GPR141: variants seen among roughly 807,000 people sequenced by gnomAD.
GPR141 encodes the protein G protein-coupled receptor 141, also known as probable G protein-coupled receptor 141.
A neutral mutation model predicts 6.8 loss-of-function variants in GPR141; 6 were observed. The observed-to-expected ratio is 0.88, with a 90% CI of 0.48 to 1.74. GPR141 has a LOEUF of 1.74. Ranked by LOEUF, GPR141 falls within the 40% of genes most tolerant of loss-of-function variation. The pLI is 0.01. For synonymous variants in GPR141, 140 were observed against 142.3 expected, an observed-to-expected ratio of 0.98 and a Z score of 0.11; for missense variants, 372 against 372.9, an observed-to-expected ratio of 1.00 and a Z score of 0.02.
At chr7:37,719,381 T>C (rs1487992322) in intron 2 of GPR141, among the ~76,000 whole-genome samples, 3 of 152,216 alleles carry the variant, frequency 2.0e-5, no homozygotes, top group African/African-American at 7.2e-5. Flanking sequence ...AGTTTTCAAT[T>C]TGGCAAGAAG....
chr7:37,691,288 C>CTTTTTTTTTTTT (rs1562764892), intron 2 of GPR141, among the ~76,000 whole-genome samples: 1 of 63,092 alleles, frequency 1.6e-5, no homozygotes, highest in Non-Finnish European at 2.5e-5. Context: ...AGTCTATATC[C>CTTTTTTTTTTTT]TTTTTTTTTT....
rs79767530 is a variant in GPR141, at chr7:37,704,679, A to G, written c.-15+19096A>G. ...AGTCCAATCTGACTTTACACCTTAT[A>G]TGGGGCCCAGGCTTTGTCCCTGTTG... On this transcript the variant is annotated intron_variant, in intron 2 of 2. Coordinates refer to ENST00000334425, the MANE Select transcript of GPR141 (RefSeq NM_001381946.1). Among the ~76,000 whole-genome samples the G allele has an allele frequency of 3.9e-5, 6 of 152,248 alleles. No individual in the cohort carries two copies. In the East Asian group the frequency reaches 9.6e-4, roughly 24 times the overall value.
At chr7:37,734,368 A>T (rs965046668) in intron 2 of GPR141, among the ~76,000 whole-genome samples, 3 of 152,352 alleles carry the variant, frequency 2.0e-5, no homozygotes, top group Middle Eastern at 3.4e-3. Context: ...TAGAAGCAAG[A>T]ATTGAAGTAA....
chr7:37,724,320 C>A (rs946530478), intron 2 of GPR141, among the ~76,000 whole-genome samples: 19 of 151,672 alleles, frequency 1.3e-4, no homozygotes, highest in African/African-American at 3.9e-4. Flanking sequence ...ATTAAAAAAA[C>A]CATAGAAAAC....
chr7:37,692,746 A>G (rs562377950), intron 2 of GPR141, among the ~76,000 whole-genome samples: 1 of 152,318 alleles, frequency 6.6e-6, no homozygotes, highest in South Asian at 2.1e-4. Flanking sequence ...TCTAATGACC[A>G]GTGATGATGA....
intron 2 of GPR141, among the ~76,000 whole-genome samples, chr7:37,733,186 A>C (rs745733580): frequency 5.3e-5 from 8 of 152,156 alleles, no homozygotes; most frequent in Non-Finnish European, 1.0e-4. Flanking sequence ...GGCTAGCTGA[A>C]TGTTTTGCAG....
At chr7:37,695,576 G>A (rs2131740925) in intron 2 of GPR141, among the ~76,000 whole-genome samples, 1 of 152,312 alleles carries the variant, frequency 6.6e-6, no homozygotes, top group Non-Finnish European at 1.5e-5. Flanking sequence ...GGATGTAGGA[G>A]TCCTTGTGTT....
At chr7:37,699,225 C>T (rs1436547698) in intron 2 of GPR141, among the ~76,000 whole-genome samples, 2 of 152,050 alleles carry the variant, frequency 1.3e-5, no homozygotes, top group Non-Finnish European at 2.9e-5. Flanking sequence ...GTAGGACTAC[C>T]CAACTGGCAA....
chr7:37,715,366 G>A (rs1214395540), intron 2 of GPR141, among the ~76,000 whole-genome samples: 1 of 152,144 alleles, frequency 6.6e-6, no homozygotes, highest in Non-Finnish European at 1.5e-5. Flanking sequence ...CTGGCCTTGG[G>A]CAATCCTCCC....
intron 2 of GPR141, among the ~76,000 whole-genome samples, chr7:37,732,372 G>C (rs1219943581): frequency 1.3e-5 from 2 of 152,040 alleles, no homozygotes; most frequent in Non-Finnish European, 2.9e-5. Context: ...AGTTGCGAGA[G>C]TCTGCCCCCA....
chr7:37,740,389 C>A lies in GPR141; in HGVS notation c.-5C>A. ...GCTTTTTCTCCTCCAGGTGACTTCC[C>A]AAGTATGCCTGGCCACAATACCTCC... On this transcript the variant is annotated 5_prime_UTR_variant, in exon 3 of 3. Transcript: ENST00000334425. The A allele has an allele frequency of 6.3e-7, 1 of 1,581,148 alleles. No homozygotes were observed. Among genetic ancestry groups the A allele is most frequent in the Non-Finnish European group, 8.6e-7 (1 of 1,160,110 alleles).
rs1328149490 is a variant in GPR141, at chr7:37,730,978, TA to T, written c.-14-9400del. On this transcript the variant is annotated intron_variant, in intron 2 of 2. Coordinates refer to ENST00000334425, the MANE Select transcript of GPR141 (RefSeq NM_001381946.1). Reference sequence around the variant, plus strand: ...ATCCAACTCTAACAGACACATAAATTAATAGACTAGGAAATATTTAACGGTC... The same window carrying T: ...ATCCAACTCTAACAGACACATAAATTATAGACTAGGAAATATTTAACGGTC... Among the ~76,000 whole-genome samples the T allele has an allele frequency of 3.9e-5, 6 of 152,322 alleles. No individual in the cohort carries two copies. The South Asian group carries it at 1.0e-3, about 26-fold the overall frequency.
chr7:37,698,668 T>C (rs1181210457), intron 2 of GPR141, among the ~76,000 whole-genome samples: 1 of 152,218 alleles, frequency 6.6e-6, no homozygotes, highest in Non-Finnish European at 1.5e-5. Context: ...TGGTATTTTA[T>C]GGGTGGCCCA....
At position 37,685,491 on chromosome 7, in the gene GPR141, T is replaced by A. The variant is rs1444498254; in HGVS notation, c.-107T>A. ...TCTCTCTGTTGCCCAGGCTGGAGTT[T>A]AGCGACTCAATCATGGCTCACTGAC... On this transcript the variant is annotated 5_prime_UTR_variant, in exon 2 of 3. An upstream open reading frame in the 5' UTR loses its in-frame stop. Coordinates refer to ENST00000334425, the MANE Select transcript of GPR141 (RefSeq NM_001381946.1). 6.6e-6 allele frequency: 1 copy of A among 151,802 alleles called. No individual in the cohort carries two copies. The highest frequency in any genetic ancestry group is 6.6e-5 in the Admixed American group (1 of 15,182). 9.4% of individuals were successfully genotyped at this position (151,802 alleles called of 1,614,324 possible). A position where few individuals can be genotyped will look rare whatever the true frequency, so the allele number is the denominator to read the frequency against.
chr7:37,702,577 TAGAC>T (rs1195285465), intron 2 of GPR141, among the ~76,000 whole-genome samples: 4 of 151,824 alleles, frequency 2.6e-5, no homozygotes, highest in South Asian at 2.1e-4. Flanking sequence ...TCGGAACACA[TAGAC>T]AGAAAGTCCC....
At chr7:37,693,983 G>A (rs1484721017) in intron 2 of GPR141, among the ~76,000 whole-genome samples, 3 of 152,120 alleles carry the variant, frequency 2.0e-5, no homozygotes, top group East Asian at 3.9e-4. Context: ...TGGATGACCC[G>A]GGCACCATTT....
Position 37,742,570 on chromosome 7 carries a change from T to C in GPR141, c.*1259T>C, listed in dbSNP as rs897021409. On this transcript the variant is annotated 3_prime_UTR_variant, in exon 3 of 3. Coordinates refer to ENST00000334425, the MANE Select transcript of GPR141 (RefSeq NM_001381946.1). ...TTAAAATTATATATTTTTAAATAAA[T>C]GAAAACTGTGTTTTTAAAAGAGGAC... is the stretch of plus-strand genomic sequence containing the variant. 3.9e-4 allele frequency among the ~76,000 whole-genome samples: 60 copies of C among 152,316 alleles called. 1 individual carries two copies. Among genetic ancestry groups the C allele is most frequent in the African/African-American group, 1.4e-3 (59 of 41,574 alleles).
intron 2 of GPR141, among the ~76,000 whole-genome samples, chr7:37,720,980 A>G (rs1811298255): frequency 6.6e-6 from 1 of 152,210 alleles, no homozygotes; most frequent in African/African-American, 2.4e-5. Flanking sequence ...AATTGGTCAT[A>G]GAGATACAAA....
intron 2 of GPR141, among the ~76,000 whole-genome samples, chr7:37,727,223 A>G (rs567291529): frequency 2.0e-5 from 3 of 152,132 alleles, no homozygotes; most frequent in Non-Finnish European, 4.4e-5. Flanking sequence ...TATCTTTTCT[A>G]TGTGTAGAAA....
Sources: allele counts gnomAD v4.1 joint callset (sites outside exome capture counted in the v4.1 genomes callset), GRCh38; gene constraint gnomAD v4.1.1; transcripts MANE v1.5; gene names NCBI Gene and HGNC (gene_info 2026-07-23, HGNC 2026-07-21).